WWOX: variants seen among roughly 807,000 people sequenced by gnomAD.
The protein encoded by WWOX is WW domain-containing oxidoreductase.
Under a neutral mutation model 46.2 loss-of-function variants are expected in WWOX, and 69 were observed. The observed-to-expected ratio is 1.49, with a 90% CI of 1.23 to 1.82. The LOEUF (loss-of-function observed/expected upper bound fraction) is 1.82. Ranked by LOEUF, WWOX falls within the 40% of genes most tolerant of loss-of-function variation. WWOX has a pLI of 0.00. For missense variants in WWOX, 919 were observed against 542.6 expected (o/e 1.69, Z -6.89); for synonymous variants, 359 against 202.6 (o/e 1.77, Z -6.56).
At chr16:79,097,181 G>C (rs2049093387) in intron 8 of WWOX, among the ~76,000 whole-genome samples, 1 of 152,076 alleles carries the variant, frequency 6.6e-6, no homozygotes, top group African/African-American at 2.4e-5. Context: ...TGGATTCACA[G>C]AGAAGTCAGA....
At chr16:78,885,324 C>T (rs1360939907) in intron 8 of WWOX, among the ~76,000 whole-genome samples, 1 of 151,298 alleles carries the variant, frequency 6.6e-6, no homozygotes, top group Non-Finnish European at 1.5e-5. Context: ...ATTTGAATAA[C>T]ATTTGGTCAG....
intron 8 of WWOX, among the ~76,000 whole-genome samples, chr16:78,578,280 A>ATTTTTTTTTTTTTTTTTTTT (rs1433554555): frequency 5.6e-5 from 2 of 35,438 alleles, no homozygotes; most frequent in African/African-American, 2.8e-4. Context: ...ATATATATAT[A>ATTTTTTTTTTTTTTTTTTTT]TATATTTTTT....
chr16:78,247,374 C>G (rs1230321502), intron 5 of WWOX, among the ~76,000 whole-genome samples: 2 of 152,160 alleles, frequency 1.3e-5, no homozygotes, highest in African/African-American at 4.8e-5. Flanking sequence ...GGACATGGTT[C>G]TCATTGCTGC....
intron 8 of WWOX, among the ~76,000 whole-genome samples, chr16:78,813,674 A>T (rs929930336): frequency 2.0e-5 from 3 of 152,112 alleles, no homozygotes; most frequent in Non-Finnish European, 2.9e-5. Flanking sequence ...GCCTCCTTTG[A>T]GATCAATCAC....
intron 8 of WWOX, among the ~76,000 whole-genome samples, chr16:79,208,593 A>T (rs1251180383): frequency 6.6e-6 from 1 of 151,996 alleles, no homozygotes; most frequent in Non-Finnish European, 1.5e-5. Flanking sequence ...AGGTGGTATG[A>T]ATGAAAGTCA....
chr16:78,458,211 T>C (rs1434486656), intron 8 of WWOX, among the ~76,000 whole-genome samples: 4 of 151,848 alleles, frequency 2.6e-5, no homozygotes, highest in Non-Finnish European at 5.9e-5. Flanking sequence ...TTATATATTC[T>C]GCCCACTTCT....
intron 8 of WWOX, chr16:79,078,317 G>A (rs934183281): frequency 6.6e-6 from 1 of 152,140 alleles, no homozygotes; most frequent in African/African-American, 2.4e-5. Flanking sequence ...CTGAGTTTGG[G>A]TTAGGGTTTT....
chr16:78,876,078 C>G (rs2044228571), intron 8 of WWOX, among the ~76,000 whole-genome samples: 1 of 152,146 alleles, frequency 6.6e-6, no homozygotes, highest in Non-Finnish European at 1.5e-5. Context: ...CCAACCTGCT[C>G]TTTTTGTGCT....
intron 8 of WWOX, among the ~76,000 whole-genome samples, chr16:79,065,669 A>C (rs1472247042): frequency 6.6e-6 from 1 of 152,202 alleles, no homozygotes. Flanking sequence ...CCCCTCTCCT[A>C]ATCCTAACCT....
chr16:79,049,555 T>G (rs567087007), intron 8 of WWOX, among the ~76,000 whole-genome samples: 1 of 152,156 alleles, frequency 6.6e-6, no homozygotes, highest in African/African-American at 2.4e-5. Context: ...TGCATCTGAG[T>G]GGCAGGGCGC....
At chr16:78,974,875 G>C (rs143701761) in intron 8 of WWOX, among the ~76,000 whole-genome samples, 10 of 152,120 alleles carry the variant, frequency 6.6e-5, no homozygotes, top group African/African-American at 2.4e-4. Flanking sequence ...CTGGAGGCCC[G>C]GGGAGACCTT....
intron 8 of WWOX, chr16:78,899,688 C>A (rs375992153): frequency 7.2e-5 from 11 of 152,146 alleles, no homozygotes; most frequent in Middle Eastern, 3.2e-3. Context: ...ATACCCAGAA[C>A]GGCTCTACTT....
rs1418909067 is a variant in WWOX, at chr16:78,705,300, C to A, written c.1056+272548C>A. Among the ~76,000 whole-genome samples, 6 of 152,260 alleles carry A rather than the reference C, an allele frequency of 3.9e-5. No homozygotes were observed. In the East Asian group the frequency reaches 9.6e-4, roughly 24 times the overall value. ...GTTGTCCTGCCCAGTACTTTATATT[C>A]ATTGTTGCTTCCGGACCTAGCTGAC... On this transcript the variant is annotated intron_variant, in intron 8 of 8. Coordinates refer to ENST00000566780, the MANE Select transcript of WWOX (RefSeq NM_016373.4).
chr16:78,691,525 C>T (rs9923515), intron 8 of WWOX, among the ~76,000 whole-genome samples: 2 of 151,840 alleles, frequency 1.3e-5, no homozygotes, highest in East Asian at 1.9e-4. Context: ...TGGGCAACAA[C>T]GTGAGATCCT....
intron 8 of WWOX, among the ~76,000 whole-genome samples, chr16:78,703,846 A>C (rs2048277391): frequency 6.6e-6 from 1 of 152,066 alleles, no homozygotes; most frequent in Non-Finnish European, 1.5e-5. Context: ...ACTGGGTATG[A>C]CAGAACATTT....
intron 8 of WWOX, among the ~76,000 whole-genome samples, chr16:79,017,918 A>G (rs963871476): frequency 6.6e-6 from 1 of 152,260 alleles, no homozygotes; most frequent in Non-Finnish European, 1.5e-5. Context: ...ACAATGAAGT[A>G]GTAAAACACA....
At chr16:78,374,527 A>ATTTTTTTTTTTTTTTTTT (rs541225697) in intron 5 of WWOX, among the ~76,000 whole-genome samples, 4 of 70,902 alleles carry the variant, frequency 5.6e-5, no homozygotes, top group Non-Finnish European at 5.1e-5. Context: ...TCTGTCTTGA[A>ATTTTTTTTTTTTTTTTTT]TTTTTTTTTT....
At chr16:79,152,412 C>CT (rs1163506742) in intron 8 of WWOX, among the ~76,000 whole-genome samples, 1 of 152,158 alleles carries the variant, frequency 6.6e-6, no homozygotes, top group African/African-American at 2.4e-5. Flanking sequence ...TGTCTCATGC[C>CT]TGTAATCCCA....
At chr16:78,296,489 C>A (rs533091246) in intron 5 of WWOX, among the ~76,000 whole-genome samples, 1 of 150,748 alleles carries the variant, frequency 6.6e-6, no homozygotes, top group Non-Finnish European at 1.5e-5. Flanking sequence ...TACATGAAAC[C>A]AGGAATTCAT....
Sources: gnomAD v4.1 joint callset for allele counts (sites outside exome capture counted in the v4.1 genomes callset) on GRCh38, gnomAD v4.1.1 for gene constraint, MANE v1.5 for transcripts, NCBI Gene and HGNC (gene_info 2026-07-23, HGNC 2026-07-21) for gene names.